DEPTOR: variants seen among roughly 807,000 people sequenced by gnomAD.
DEPTOR encodes the protein DEP domain containing MTOR interacting protein.
A neutral mutation model predicts 41.6 loss-of-function variants in DEPTOR; 41 were observed. The ratio of observed to expected loss-of-function variants is 0.98; its 90% CI spans 0.77 to 1.28. The LOEUF (loss-of-function observed/expected upper bound fraction) is 1.28, where lower values mean the gene tolerates loss of function less well. Among genes scored for constraint, DEPTOR ranks in the 50% most tolerant of loss-of-function variants. The probability of loss-of-function intolerance (pLI) is 0.00; values close to 1 mark genes in which losing one functional copy is unlikely to be tolerated. For synonymous variants in DEPTOR, 195 were observed against 192.3 expected (o/e 1.01, Z -0.12); for missense variants, 514 against 527.9 (o/e 0.97, Z 0.26).
At chr8:119,992,656 AT>A (rs35642906) in intron 4 of DEPTOR, among the ~76,000 whole-genome samples, 4,110 of 133,712 alleles carry the variant, frequency 0.031, 81 homozygotes, top group African/African-American at 0.076. Flanking sequence ...AGTAGAGTAA[AT>A]TTTTTTTTTT....
intron 8 of DEPTOR, 133 bp from the exon 9 acceptor site, chr8:120,049,443 G>T: frequency 2.0e-6 from 2 of 995,290 alleles, no homozygotes; most frequent in Non-Finnish European, 2.7e-6. Flanking sequence ...TTATTGAATT[G>T]GAGTCGTCAG....
intron 8 of DEPTOR, among the ~76,000 whole-genome samples, chr8:120,046,300 T>G (rs922608093): frequency 2.0e-4 from 30 of 152,084 alleles, no homozygotes; most frequent in African/African-American, 7.0e-4. Context: ...TTAGAGCATT[T>G]TTATCACCCC....
chr8:119,884,581 T>C lies in DEPTOR; in HGVS notation c.122+10613T>C, dbSNP rs985604510. 2.6e-5 allele frequency among the ~76,000 whole-genome samples: 4 copies of C among 151,984 alleles called. 1 individual carries two copies. Among genetic ancestry groups the C allele is most frequent in the Admixed American group, 6.6e-5 (1 of 15,250 alleles). ...TTTTAAAGGATTGGCTTTTTTTTTTTTTCATGTTGAAGGATTGAGCACATA... is the reference window on the plus strand; with the variant it reads ...TTTTAAAGGATTGGCTTTTTTTTTTCTTCATGTTGAAGGATTGAGCACATA... On this transcript the variant is annotated intron_variant, in intron 1 of 8. Transcript: ENST00000286234.
intron 5 of DEPTOR, among the ~76,000 whole-genome samples, chr8:120,001,972 T>C (rs1330327406): frequency 3.3e-5 from 5 of 152,100 alleles, no homozygotes; most frequent in African/African-American, 1.2e-4. Flanking sequence ...TTACTTTTCA[T>C]TTACAAGCCA....
intron 3 of DEPTOR, among the ~76,000 whole-genome samples, chr8:119,941,279 G>C (rs1176618177): frequency 1.4e-5 from 2 of 145,678 alleles, no homozygotes; most frequent in African/African-American, 5.1e-5. Flanking sequence ...AGGCTGAGGC[G>C]AGAGAATCAC....
At chr8:119,906,859 G>A (rs1827670260) in intron 1 of DEPTOR, among the ~76,000 whole-genome samples, 1 of 152,142 alleles carries the variant, frequency 6.6e-6, no homozygotes, top group Admixed American at 6.6e-5. Context: ...ATTTCTCTGT[G>A]TCTTCTGAGA....
At chr8:119,902,047 T>C (rs1563961093) in intron 1 of DEPTOR, among the ~76,000 whole-genome samples, 1 of 152,186 alleles carries the variant, frequency 6.6e-6, no homozygotes, top group Non-Finnish European at 1.5e-5. Flanking sequence ...AGAGATTTTA[T>C]ATACACCATT....
At chr8:119,945,124 ACATAG>A (rs1828255101) in intron 3 of DEPTOR, among the ~76,000 whole-genome samples, 1 of 152,202 alleles carries the variant, frequency 6.6e-6, no homozygotes, top group Non-Finnish European at 1.5e-5. Flanking sequence ...TGGTATACAT[ACATAG>A]CATATGCCCC....
intron 4 of DEPTOR, among the ~76,000 whole-genome samples, chr8:119,994,995 T>C (rs1226698222): frequency 7.2e-6 from 1 of 139,434 alleles, no homozygotes. Context: ...AAGTAGTAAA[T>C]TAAAAAAAAG....
intron 4 of DEPTOR, among the ~76,000 whole-genome samples, chr8:119,992,510 C>T (rs956993287): frequency 3.3e-5 from 5 of 152,082 alleles, no homozygotes; most frequent in East Asian, 1.9e-4. Context: ...TTGATGTCTG[C>T]GCATTCCCTA....
At chr8:120,006,004 C>A (rs1478169940) in intron 6 of DEPTOR, among the ~76,000 whole-genome samples, 3 of 152,058 alleles carry the variant, frequency 2.0e-5, no homozygotes, top group Admixed American at 6.6e-5. Context: ...CTTCTGCCAC[C>A]CATTCGCTCT....
At chr8:119,935,448 C>A (rs10109920) in intron 3 of DEPTOR, among the ~76,000 whole-genome samples, 4 of 152,086 alleles carry the variant, frequency 2.6e-5, no homozygotes, top group Admixed American at 2.6e-4. Context: ...TGGCCAGACA[C>A]GGTGGCTCAC....
intron 1 of DEPTOR, among the ~76,000 whole-genome samples, chr8:119,901,320 T>G (rs1375421497): frequency 6.6e-6 from 1 of 152,154 alleles, no homozygotes; most frequent in African/African-American, 2.4e-5. Flanking sequence ...ATTATATAAT[T>G]GCAGGTGAGA....
At position 120,050,842 on chromosome 8, in the gene DEPTOR, T is replaced by C. The variant is rs1277672024; in HGVS notation, c.*1138T>C. ...AGTCAGGAAATACTAAATTCTTCAT[T>C]CCAAATAATGGATCTGAATGATGAC... On this transcript the variant is annotated 3_prime_UTR_variant, in exon 9 of 9. Transcript: ENST00000286234. 1 of 152,086 alleles carries C rather than the reference T, an allele frequency of 6.6e-6. No individual in the cohort carries two copies. The highest frequency in any genetic ancestry group is 1.5e-5 in the Non-Finnish European group (1 of 68,002). 9.4% of individuals were successfully genotyped at this position (152,086 alleles called of 1,614,324 possible). A position where few individuals can be genotyped will look rare whatever the true frequency, so the allele number is the denominator to read the frequency against.
At chr8:119,928,605 C>G (rs1435480334) in intron 2 of DEPTOR, 27 bp downstream of exon 2, 1 of 1,604,332 alleles carries the variant, frequency 6.2e-7, no homozygotes, top group Non-Finnish European at 8.5e-7. Context: ...GTCAAGGTGA[C>G]TTGAGAGAAA....
chr8:119,882,053 G>A (rs1316175866), intron 1 of DEPTOR, among the ~76,000 whole-genome samples: 1 of 152,094 alleles, frequency 6.6e-6, no homozygotes, highest in Non-Finnish European at 1.5e-5. Flanking sequence ...ACCACGCCCG[G>A]CTAATTTTTT....
chr8:119,931,534 A>C (rs115120899), intron 3 of DEPTOR, among the ~76,000 whole-genome samples: 1 of 152,200 alleles, frequency 6.6e-6, no homozygotes. Context: ...AAATACGAGC[A>C]CAGTACTGAC....
intron 4 of DEPTOR, among the ~76,000 whole-genome samples, chr8:119,983,603 T>C (rs1421328927): frequency 6.6e-6 from 1 of 152,122 alleles, no homozygotes; most frequent in African/African-American, 2.4e-5. Flanking sequence ...AGGCTGCTCT[T>C]GAACTCCTGA....
At position 120,049,632 on chromosome 8, in the gene DEPTOR, G is replaced by T; in HGVS notation, c.1158G>T (p.Arg386=). The T allele has an allele frequency of 6.2e-7, 1 of 1,614,042 alleles. No homozygotes were observed. Among genetic ancestry groups the T allele is most frequent in the Non-Finnish European group, 8.5e-7 (1 of 1,179,966 alleles). Residue 386 remains arginine, a synonymous_variant, in exon 9 of 9, where the codon CGG becomes CGT. Transcript: ENST00000286234. ...NGLNVLHVDY[R]TVSNLILTGP... ...TCAATGTCCTGCATGTAGACTACCG[G>T]ACCGTGAGCAATCTGATTCTGACGG... is the stretch of plus-strand genomic sequence containing the variant.
Sources: allele counts gnomAD v4.1 joint callset (sites outside exome capture counted in the v4.1 genomes callset), GRCh38; gene constraint gnomAD v4.1.1; transcripts MANE v1.5; gene names NCBI Gene and HGNC (gene_info 2026-07-23, HGNC 2026-07-21).